ADAM18: variants seen among roughly 807,000 people sequenced by gnomAD.
ADAM18 encodes the protein disintegrin and metalloproteinase domain-containing protein 18.
A neutral mutation model predicts 94.4 loss-of-function variants in ADAM18; 117 were observed. The observed-to-expected ratio is 1.24, with a 90% CI of 1.07 to 1.45. The LOEUF (loss-of-function observed/expected upper bound fraction) is 1.45. Ranked by LOEUF, ADAM18 falls within the 40% of genes most tolerant of loss-of-function variation. ADAM18 has a pLI of 0.00. For missense variants in ADAM18, 936 were observed against 880.0 expected (o/e 1.06, Z -0.81); for synonymous variants, 327 against 291.6 (o/e 1.12, Z -1.24).
intron 12 of ADAM18, among the ~76,000 whole-genome samples, chr8:39,663,540 A>G (rs1303826761): frequency 1.5e-5 from 2 of 133,682 alleles, no homozygotes; most frequent in Non-Finnish European, 3.1e-5. Context: ...TTGAGGCTGC[A>G]GTGTGTCATG....
At chr8:39,600,030 T>C (rs1385702933) in intron 2 of ADAM18, among the ~76,000 whole-genome samples, 2 of 152,194 alleles carry the variant, frequency 1.3e-5, no homozygotes, top group African/African-American at 4.8e-5. Context: ...CATTCGATTA[T>C]TCACCATTAA....
rs1327914048 is a variant in ADAM18, at chr8:39,643,241, ACTT to A, written c.910-2090_910-2088del. Among the ~76,000 whole-genome samples the A allele has an allele frequency of 9.2e-5, 14 of 152,124 alleles. No individual in the cohort carries two copies. The East Asian group carries it at 1.7e-3, about 19-fold the overall frequency. On this transcript the variant is annotated intron_variant, in intron 10 of 19. Coordinates refer to ENST00000265707, the MANE Select transcript of ADAM18 (RefSeq NM_014237.3). The stretch of plus-strand genomic sequence containing the variant: ...GTTATCTGCAAACACAGATAGTTTG[ACTT>A]CTTCTTTGGATGCCTTCTTTCTCTT...
At chr8:39,653,548 A>C (rs1433876638) in intron 12 of ADAM18, among the ~76,000 whole-genome samples, 1 of 152,254 alleles carries the variant, frequency 6.6e-6, no homozygotes, top group Non-Finnish European at 1.5e-5. Flanking sequence ...ATCAGAGAGA[A>C]GTTCATGCCA....
At chr8:39,628,367 A>G (rs1054585412) in intron 6 of ADAM18, among the ~76,000 whole-genome samples, 2 of 152,004 alleles carry the variant, frequency 1.3e-5, no homozygotes, top group Admixed American at 6.6e-5. Context: ...ATGTCTTGAT[A>G]GATGATAGAC....
intron 2 of ADAM18, among the ~76,000 whole-genome samples, chr8:39,603,251 C>A (rs1052114967): frequency 1.3e-5 from 2 of 152,126 alleles, no homozygotes; most frequent in African/African-American, 2.4e-5. Context: ...ATCATTCTGT[C>A]TTGATTATGA....
At chr8:39,707,242 G>A (rs1822265598) in intron 18 of ADAM18, among the ~76,000 whole-genome samples, 1 of 152,180 alleles carries the variant, frequency 6.6e-6, no homozygotes, top group Admixed American at 6.5e-5. Context: ...CCAGAAGACT[G>A]TGGCAGCTGA....
At position 39,706,798 on chromosome 8, in the gene ADAM18, T is replaced by C; in HGVS notation, c.1911T>C (p.Asn637=). 6.3e-7 allele frequency: 1 copy of C among 1,593,438 alleles called. No homozygotes were observed. The highest frequency in any genetic ancestry group is 1.3e-5 in the African/African-American group (1 of 74,444). ...GTATTTTTCTGTTTCAGATATGTAA[T>C]AATTTTGGTAATTGTCAATGCTTCC... ...TTKCKGKGIC[N]NFGNCQCFPG... is the part of the protein sequence containing the mutation. Residue 637 remains asparagine, a synonymous_variant, in exon 18 of 20, where the codon AAT becomes AAC. Transcript: ENST00000265707.
intron 18 of ADAM18, among the ~76,000 whole-genome samples, chr8:39,720,835 A>C (rs1297638942): frequency 6.6e-6 from 1 of 151,412 alleles, no homozygotes; most frequent in Non-Finnish European, 1.5e-5. Context: ...ACTAATGTTC[A>C]ATGTGGGAAT....
intron 6 of ADAM18, among the ~76,000 whole-genome samples, chr8:39,620,357 C>CAAAAAAAAAAAAAAAAAA (rs61555393): frequency 8.1e-4 from 73 of 90,518 alleles, no homozygotes; most frequent in Non-Finnish European, 1.2e-3. Context: ...GCAACAAAAG[C>CAAAAAAAAAAAAAAAAAA]AAAAAAAAAA....
intron 17 of ADAM18, among the ~76,000 whole-genome samples, chr8:39,701,035 G>T (rs372190057): frequency 3.0e-5 from 4 of 135,292 alleles, no homozygotes; most frequent in Non-Finnish European, 1.6e-5. Context: ...GGAGAATGGC[G>T]TGAACCCGGG....
intron 13 of ADAM18, among the ~76,000 whole-genome samples, chr8:39,666,676 G>T (rs574822255): frequency 1.3e-5 from 2 of 152,284 alleles, no homozygotes; most frequent in South Asian, 2.1e-4. Context: ...GAGAGCTTGT[G>T]CAGGGAAACT....
chr8:39,637,022 TATA>T (rs1820093008), intron 7 of ADAM18, among the ~76,000 whole-genome samples: 9 of 23,912 alleles, frequency 3.8e-4, no homozygotes, highest in East Asian at 2.2e-3. Context: ...GTGTATTTTA[TATA>T]TATATATATA....
chr8:39,663,437 A>G (rs1192775850), intron 12 of ADAM18, among the ~76,000 whole-genome samples: 8 of 148,786 alleles, frequency 5.4e-5, no homozygotes, highest in Admixed American at 4.7e-4. Flanking sequence ...AAAAAAAAAA[A>G]AAAAGAAAAA....
chr8:39,586,301 G>A (rs1818390020), intron 2 of ADAM18, among the ~76,000 whole-genome samples: 1 of 152,088 alleles, frequency 6.6e-6, no homozygotes, highest in East Asian at 1.9e-4. Context: ...TCTGAAATAG[G>A]ATTATTTATT....
intron 18 of ADAM18, among the ~76,000 whole-genome samples, chr8:39,721,263 TAACTC>T (rs1223361959): frequency 5.9e-5 from 9 of 151,562 alleles, no homozygotes; most frequent in African/African-American, 1.2e-4. Context: ...ATACAAGAAT[TAACTC>T]AAGACAGGTT....
chr8:39,606,234 C>A, intron 2 of ADAM18, 73 bp from the exon 3 acceptor site: 1 of 800,412 alleles, frequency 1.2e-6, no homozygotes, highest in Non-Finnish European at 2.0e-6. Context: ...TTTTTATTAA[C>A]TTGGATGAAT....
At chr8:39,710,505 T>A (rs1055015211) in intron 18 of ADAM18, among the ~76,000 whole-genome samples, 5 of 152,154 alleles carry the variant, frequency 3.3e-5, no homozygotes, top group African/African-American at 4.8e-5. Flanking sequence ...AAGATAAATA[T>A]AAATAAACTT....
intron 6 of ADAM18, among the ~76,000 whole-genome samples, chr8:39,624,534 A>G (rs556959625): frequency 3.4e-4 from 52 of 152,174 alleles, no homozygotes; most frequent in African/African-American, 1.2e-3. Flanking sequence ...GTACAATGCT[A>G]TTTTGGTTAG....
intron 6 of ADAM18, among the ~76,000 whole-genome samples, chr8:39,617,338 A>G (rs1819471611): frequency 6.6e-6 from 1 of 152,134 alleles, no homozygotes; most frequent in African/African-American, 2.4e-5. Context: ...AAAAAGAAAA[A>G]GTTACAGATA....
Sources: allele counts gnomAD v4.1 joint callset (sites outside exome capture counted in the v4.1 genomes callset), GRCh38; gene constraint gnomAD v4.1.1; transcripts MANE v1.5; gene names NCBI Gene and HGNC (gene_info 2026-07-23, HGNC 2026-07-21).